The following CFAP61 variants were observed in gnomAD, a reference collection of about 807,000 sequenced individuals.
CFAP61 encodes the protein cilia- and flagella-associated protein 61.
Under a neutral mutation model 135.6 loss-of-function variants are expected in CFAP61, and 107 were observed. That is an observed-to-expected ratio of 0.79 (90% CI 0.67 to 0.93). The LOEUF is 0.93. Ranked by LOEUF, CFAP61 falls within the 40% of genes least tolerant of loss-of-function variation. CFAP61 has a pLI of 0.00. For synonymous variants in CFAP61, 575 were observed against 578.5 expected, an observed-to-expected ratio of 0.99 and a Z score of 0.09; for missense variants, 1,507 against 1,556.2, an observed-to-expected ratio of 0.97 and a Z score of 0.53.
At chr20:20,252,390 A>G (rs1321733388) in intron 20 of CFAP61, among the ~76,000 whole-genome samples, 1 of 152,240 alleles carries the variant, frequency 6.6e-6, no homozygotes, top group Non-Finnish European at 1.5e-5. Context: ...CATGTAGTTT[A>G]CAGCAGTAAG....
intron 13 of CFAP61, among the ~76,000 whole-genome samples, chr20:20,173,102 G>T (rs1255498164): frequency 6.6e-6 from 1 of 152,012 alleles, no homozygotes. Flanking sequence ...TTCATGACTG[G>T]CTAGCTCATT....
chr20:20,053,933 T>C (rs574338516), intron 1 of CFAP61, among the ~76,000 whole-genome samples: 2 of 152,140 alleles, frequency 1.3e-5, no homozygotes, highest in African/African-American at 4.8e-5. Context: ...TAGAATACTT[T>C]GCTTCTGATC....
chr20:20,058,693 T>C (rs907628212), intron 2 of CFAP61, among the ~76,000 whole-genome samples: 1 of 152,232 alleles, frequency 6.6e-6, no homozygotes, highest in African/African-American at 2.4e-5. Context: ...TTGAGATCCA[T>C]GTTAATTATT....
At chr20:20,172,793 T>C (rs900321820) in intron 13 of CFAP61, among the ~76,000 whole-genome samples, 8 of 152,210 alleles carry the variant, frequency 5.3e-5, no homozygotes, top group African/African-American at 1.7e-4. Context: ...CATATCATTA[T>C]CACCCAATGT....
rs146488615 is a variant in CFAP61 at position 20,239,429 on chromosome 20, C to T, written c.2061-6688C>T. Among the ~76,000 whole-genome samples the T allele has an allele frequency of 1.3e-3, 202 of 152,188 alleles. 2 individuals carry two copies. Among genetic ancestry groups the T allele is most frequent in the African/African-American group, 4.6e-3 (190 of 41,518 alleles). On this transcript the variant is annotated intron_variant, in intron 18 of 26. Coordinates refer to ENST00000245957, the MANE Select transcript of CFAP61 (RefSeq NM_015585.4). Reference sequence around the variant, plus strand: ...AGGAGGTTGATGTTACAAAGAATGTCGGGGAAGTTTGCTTAGGCCCAGCCA... The same window carrying T: ...AGGAGGTTGATGTTACAAAGAATGTTGGGGAAGTTTGCTTAGGCCCAGCCA...
intron 8 of CFAP61, among the ~76,000 whole-genome samples, chr20:20,127,808 G>A (rs1008778963): frequency 6.6e-6 from 1 of 151,708 alleles, no homozygotes; most frequent in Non-Finnish European, 1.5e-5. Flanking sequence ...GGACCATCAG[G>A]TAGGGGGCAT....
intron 3 of CFAP61, among the ~76,000 whole-genome samples, chr20:20,072,858 A>C (rs1007486624): frequency 2.0e-5 from 3 of 152,364 alleles, no homozygotes; most frequent in African/African-American, 7.2e-5. Flanking sequence ...TGTTAAAATG[A>C]TATAATTTGA....
intron 15 of CFAP61, among the ~76,000 whole-genome samples, chr20:20,193,754 CAGG>C (rs1250837647): frequency 2.6e-5 from 4 of 152,136 alleles, no homozygotes; most frequent in Non-Finnish European, 5.9e-5. Context: ...GCTGGAATTA[CAGG>C]TGTGCACCAC....
intron 26 of CFAP61, among the ~76,000 whole-genome samples, chr20:20,356,347 ATACTGTGAGGGGAAGTG>A: frequency 7.0e-6 from 1 of 143,182 alleles, no homozygotes; most frequent in Admixed American, 6.8e-5. Context: ...GGAGGTGGTC[ATACTGTGAGGGGAAGTG>A]GTCACACTGA....
At chr20:20,080,291 C>T (rs2146590391) in intron 6 of CFAP61, among the ~76,000 whole-genome samples, 1 of 152,240 alleles carries the variant, frequency 6.6e-6, no homozygotes, top group South Asian at 2.1e-4. Context: ...ATATTTTTCA[C>T]TTAACATAGC....
chr20:20,069,836 C>T, intron 2 of CFAP61: 1 of 444,110 alleles, frequency 2.3e-6, no homozygotes, highest in South Asian at 1.6e-5. Flanking sequence ...CTCCTGTCAT[C>T]TCCTCTCCGC....
At chr20:20,199,571 A>G (rs140252525) in intron 16 of CFAP61, among the ~76,000 whole-genome samples, 197 bp from the exon 17 acceptor site, 1 of 152,034 alleles carries the variant, frequency 6.6e-6, no homozygotes, top group African/African-American at 2.4e-5. Flanking sequence ...TACTCTCGTA[A>G]TTATCTTCAT....
rs142797329 is a variant in CFAP61 at position 20,334,902 on chromosome 20, C to T, written c.3423-6929C>T. Among the ~76,000 whole-genome samples the T allele has an allele frequency of 3.9e-5, 6 of 152,246 alleles. No homozygotes were observed. In the East Asian group the frequency reaches 9.6e-4, roughly 24 times the overall value. On this transcript the variant is annotated intron_variant, in intron 25 of 26. Transcript: ENST00000245957. The stretch of plus-strand genomic sequence containing the variant: ...GCAGGGCATCAGGGCTGTGTCTGCT[C>T]GTGTCATGGGGTCTCATTTCCAAGC...
At position 20,071,902 on chromosome 20, in the gene CFAP61, C is replaced by T. The variant is rs932972707; in HGVS notation, c.294+898C>T. Among the ~76,000 whole-genome samples, 44 of 152,040 alleles carry T rather than the reference C, an allele frequency of 2.9e-4. 1 individual carries two copies. The highest frequency in any genetic ancestry group is 7.2e-4 in the Admixed American group (11 of 15,264). On this transcript the variant is annotated intron_variant, in intron 3 of 26. Transcript: ENST00000245957. ...TCGCAAACTTGGAAATAGACCAAAA[C>T]GATTATTTCAGTCCAATGCTTGCAC... is the stretch of plus-strand genomic sequence containing the variant.
intron 25 of CFAP61, among the ~76,000 whole-genome samples, chr20:20,334,464 C>G (rs62200208): frequency 0.16 from 24,090 of 152,176 alleles, 2,250 homozygotes; most frequent in East Asian, 0.35. Flanking sequence ...AAACCAGGAT[C>G]ATTGGCAAAA....
chr20:20,282,133 T>C (rs2054239884), intron 22 of CFAP61, among the ~76,000 whole-genome samples: 1 of 152,214 alleles, frequency 6.6e-6, no homozygotes, highest in African/African-American at 2.4e-5. Context: ...TGGTGAATTG[T>C]GTTCAGTCTC....
At chr20:20,065,198 T>C (rs1457433155) in intron 2 of CFAP61, among the ~76,000 whole-genome samples, 2 of 152,172 alleles carry the variant, frequency 1.3e-5, no homozygotes, top group Non-Finnish European at 2.9e-5. Flanking sequence ...GTGAAAAACA[T>C]CTGACATCGA....
At chr20:20,173,002 C>G (rs1396351811) in intron 13 of CFAP61, among the ~76,000 whole-genome samples, 1 of 152,156 alleles carries the variant, frequency 6.6e-6, no homozygotes, top group Non-Finnish European at 1.5e-5. Context: ...CATAATTTTA[C>G]ATTTACAGAA....
intron 15 of CFAP61, among the ~76,000 whole-genome samples, chr20:20,195,326 G>A (rs551262346): frequency 1.3e-5 from 2 of 152,336 alleles, no homozygotes; most frequent in African/African-American, 2.4e-5. Flanking sequence ...TTGAAAGTAG[G>A]CTTTTAAAAC....
Sources: gnomAD v4.1 joint callset for allele counts (sites outside exome capture counted in the v4.1 genomes callset) on GRCh38, gnomAD v4.1.1 for gene constraint, MANE v1.5 for transcripts, NCBI Gene and HGNC (gene_info 2026-07-23, HGNC 2026-07-21) for gene names.